Variants in TRIM55 observed in about 807,000 individuals in gnomAD.
TRIM55 encodes the protein tripartite motif-containing protein 55.
Under a neutral mutation model 60.9 loss-of-function variants are expected in TRIM55, and 50 were observed. The observed-to-expected ratio is 0.82, with a 90% CI of 0.65 to 1.04. The LOEUF is 1.04. Ranked by LOEUF, TRIM55 falls within the 50% of genes least tolerant of loss-of-function variation. TRIM55 has a pLI of 0.00. For synonymous variants in TRIM55, 237 were observed against 238.1 expected (o/e 1.00, Z 0.04); for missense variants, 681 against 666.9 (o/e 1.02, Z -0.23).
At chr8:66,162,841 A>G (rs1302329328) in intron 9 of TRIM55, among the ~76,000 whole-genome samples, 3 of 152,124 alleles carry the variant, frequency 2.0e-5, no homozygotes, top group Non-Finnish European at 4.4e-5. Context: ...GATTTCTCCA[A>G]TGTTTTCTTC....
Position 66,174,862 on chromosome 8 carries a change from T to C in TRIM55, c.*269T>C. On this transcript the variant is annotated 3_prime_UTR_variant, in exon 10 of 10. Coordinates refer to ENST00000315962, the MANE Select transcript of TRIM55 (RefSeq NM_184085.2). ...TGTGTGGAAAATGTTGTGAAGGGTG[T>C]GTAGGTGTGGTACATGTGTATGTCA... 4.0e-6 allele frequency: 1 copy of C among 247,402 alleles called. No individual in the cohort carries two copies. Among genetic ancestry groups the C allele is most frequent in the South Asian group, 5.3e-5 (1 of 18,890 alleles). 15.3% of individuals were successfully genotyped at this position (247,402 alleles called of 1,614,324 possible).
chr8:66,148,640 T>C (rs998018103), intron 4 of TRIM55, among the ~76,000 whole-genome samples: 2 of 152,106 alleles, frequency 1.3e-5, no homozygotes, highest in African/African-American at 4.8e-5. Flanking sequence ...GGGTATACAA[T>C]GGAGGATAGT....
At chr8:66,130,655 C>T (rs1809094243) in intron 2 of TRIM55, among the ~76,000 whole-genome samples, 2 of 140,080 alleles carry the variant, frequency 1.4e-5, no homozygotes, top group Non-Finnish European at 3.0e-5. Context: ...CAAAACCTAG[C>T]ATTCTTTTTT....
chr8:66,119,044 A>G, the TRIM55 span, among the ~76,000 whole-genome samples: 1 of 152,196 alleles, frequency 6.6e-6, no homozygotes, highest in Non-Finnish European at 1.5e-5. Context: ...TAATTTTCAG[A>G]TTATATTGGT....
intron 2 of TRIM55, among the ~76,000 whole-genome samples, chr8:66,131,228 C>G (rs1408635745): frequency 6.6e-6 from 1 of 152,080 alleles, no homozygotes; most frequent in East Asian, 1.9e-4. Context: ...CCTATTAAAG[C>G]TTTTAGTGCC....
At chr8:66,128,228 C>T in intron 1 of TRIM55, 76 bp from the exon 2 acceptor site, 2 of 1,338,034 alleles carry the variant, frequency 1.5e-6, no homozygotes, top group Non-Finnish European at 2.1e-6. Context: ...TTTGTAGTAG[C>T]AGAGAGTGAA....
chr8:66,154,316 A>G lies in TRIM55; in HGVS notation c.1506A>G (p.Ala502=). The G allele has an allele frequency of 3.1e-6, 5 of 1,613,980 alleles. No homozygotes were observed. The highest frequency in any genetic ancestry group is 4.2e-6 in the Non-Finnish European group (5 of 1,179,962). ...RAAVSGKETS[A]PAATSQIGFE... ...CTGTGAGTGGTAAGGAAACTAGTGCACCTGCAGCTACTTCTCAGGTTAGTG... is the reference window on the plus strand; with the variant it reads ...CTGTGAGTGGTAAGGAAACTAGTGCGCCTGCAGCTACTTCTCAGGTTAGTG... The change falls in exon 9 of 10, where the codon GCA becomes GCG. Residue 502 remains alanine (A), a synonymous_variant. Coordinates refer to ENST00000315962, the MANE Select transcript of TRIM55 (RefSeq NM_184085.2).
intron 3 of TRIM55, among the ~76,000 whole-genome samples, chr8:66,136,482 C>T (rs1387938997): frequency 6.6e-6 from 1 of 152,198 alleles, no homozygotes; most frequent in Non-Finnish European, 1.5e-5. Flanking sequence ...GCGCATGGGT[C>T]TCCCAAGTGC....
intron 9 of TRIM55, among the ~76,000 whole-genome samples, chr8:66,173,108 C>T (rs568619326): frequency 6.6e-6 from 1 of 152,316 alleles, no homozygotes; most frequent in Admixed American, 6.5e-5. Flanking sequence ...AGGTATCTGA[C>T]ACATTACCAA....
At chr8:66,129,398 G>A (rs547761280) in intron 2 of TRIM55, among the ~76,000 whole-genome samples, 34 of 152,236 alleles carry the variant, frequency 2.2e-4, no homozygotes, top group African/African-American at 6.3e-4. Context: ...TAGGGGACAC[G>A]TATTTATGGA....
At chr8:66,150,091 G>C in intron 5 of TRIM55, 126 bp from the exon 6 acceptor site, 1 of 1,165,910 alleles carries the variant, frequency 8.6e-7, no homozygotes, top group Non-Finnish European at 1.2e-6. Flanking sequence ...TTATAAGACA[G>C]CAGTTATTTA....
intron 9 of TRIM55, among the ~76,000 whole-genome samples, chr8:66,163,121 C>A (rs1296871907): frequency 6.6e-6 from 1 of 152,178 alleles, no homozygotes; most frequent in Non-Finnish European, 1.5e-5. Context: ...CAGTACCACA[C>A]TGTCTTGATT....
the TRIM55 span, among the ~76,000 whole-genome samples, chr8:66,117,845 T>C: frequency 0.034 from 5,126 of 152,170 alleles, 130 homozygotes; most frequent in Middle Eastern, 0.075. Flanking sequence ...CTGGCACATA[T>C]GTAATGAGTG....
intron 9 of TRIM55, among the ~76,000 whole-genome samples, chr8:66,171,039 C>G (rs1034029433): frequency 1.3e-5 from 2 of 152,160 alleles, no homozygotes; most frequent in African/African-American, 4.8e-5. Context: ...TGTCTAAGTA[C>G]GTTCTGTAAT....
At chr8:66,159,096 A>G (rs1810906150) in intron 9 of TRIM55, among the ~76,000 whole-genome samples, 1 of 152,234 alleles carries the variant, frequency 6.6e-6, no homozygotes, top group African/African-American at 2.4e-5. Flanking sequence ...GTGAGTTTGG[A>G]CAAATGTGTA....
At chr8:66,157,876 A>G (rs1040267327) in intron 9 of TRIM55, among the ~76,000 whole-genome samples, 3 of 152,188 alleles carry the variant, frequency 2.0e-5, no homozygotes, top group Non-Finnish European at 4.4e-5. Flanking sequence ...CGGTCATGGC[A>G]AAAACCAAAC....
At chr8:66,167,808 G>A (rs915075987) in intron 9 of TRIM55, among the ~76,000 whole-genome samples, 4 of 152,090 alleles carry the variant, frequency 2.6e-5, no homozygotes, top group African/African-American at 9.7e-5. Flanking sequence ...GAATGCAGTG[G>A]TGTGATCATA....
In TRIM55 at chr8:66,152,314, A is replaced by G. The variant is rs184224256; in HGVS notation, c.986-63A>G. ...TTAACTAGGGCTATAAGCACTGGCCATTAACTGTGTCCATGGCTGCAGAGA... is the reference window on the plus strand; with the variant it reads ...TTAACTAGGGCTATAAGCACTGGCCGTTAACTGTGTCCATGGCTGCAGAGA... On this transcript the variant is annotated intron_variant, in intron 7 of 9. Transcript: ENST00000315962. 5.7e-4 allele frequency: 872 copies of G among 1,520,610 alleles called. 3 individuals carry two copies. Among genetic ancestry groups the G allele is most frequent in the Middle Eastern group, 5.4e-3 (24 of 4,446 alleles). The allele number at this position is 1,520,610 out of a possible 1,614,324, so 94.2% of individuals were successfully genotyped here. A position where few individuals can be genotyped will look rare whatever the true frequency, so the allele number is the denominator to read the frequency against.
upstream of TRIM55, among the ~76,000 whole-genome samples, chr8:66,125,686 T>C (rs1424115233): frequency 6.6e-6 from 1 of 152,192 alleles, no homozygotes; most frequent in Admixed American, 6.5e-5. Context: ...AAATAAATAT[T>C]GAAAGGACTA....
Sources: gnomAD v4.1 joint callset for allele counts (sites outside exome capture counted in the v4.1 genomes callset) on GRCh38, gnomAD v4.1.1 for gene constraint, MANE v1.5 for transcripts, NCBI Gene and HGNC (gene_info 2026-07-23, HGNC 2026-07-21) for gene names.